The following ZFHX4 variants were observed in gnomAD, a reference collection of about 807,000 sequenced individuals.
ZFHX4 encodes the protein zinc finger homeobox protein 4.
Under a neutral mutation model 267.6 loss-of-function variants are expected in ZFHX4, and 56 were observed. The ratio of observed to expected loss-of-function variants is 0.21; its 90% CI spans 0.17 to 0.26. The LOEUF (loss-of-function observed/expected upper bound fraction) is 0.26. Ranked by LOEUF, ZFHX4 falls within the 10% of genes least tolerant of loss-of-function variation. ZFHX4 has a pLI of 1.00. For missense variants in ZFHX4, 4,332 were observed against 4,420.0 expected (o/e 0.98, Z 0.56); for synonymous variants, 1,778 against 1,665.6 (o/e 1.07, Z -1.64).
chr8:76,803,925 C>T (rs1369990209), intron 4 of ZFHX4, among the ~76,000 whole-genome samples: 1 of 151,730 alleles, frequency 6.6e-6, no homozygotes, highest in Non-Finnish European at 1.5e-5. Flanking sequence ...AGTGATTTGC[C>T]CTAGATTTTG....
chr8:76,793,569 T>A (rs1810895071), intron 4 of ZFHX4, among the ~76,000 whole-genome samples: 1 of 152,134 alleles, frequency 6.6e-6, no homozygotes, highest in Non-Finnish European at 1.5e-5. Flanking sequence ...GCAGATGAAT[T>A]TGGGGATGTA....
chr8:76,720,703 C>T (rs1808697134), intron 3 of ZFHX4, among the ~76,000 whole-genome samples: 1 of 152,256 alleles, frequency 6.6e-6, no homozygotes, highest in Non-Finnish European at 1.5e-5. Flanking sequence ...CTCTGACTGA[C>T]TAGCTCAGTT....
rs370381615 is a variant in ZFHX4, at chr8:76,705,128, A to G, written c.1040A>G (p.His347Arg). ...EPKKSTSVYPHFSTTNLIGPD... is the reference protein window; with the variant it reads ...EPKKSTSVYPRFSTTNLIGPD... ...AAAAAATCCACTTCTGTTTATCCCC[A>G]TTTTTCTACTACAAACCTCATAGGA... The change falls in exon 2 of 11, where the codon CAT (histidine) becomes CGT (arginine). Residue 347 changes from histidine to arginine, a missense_variant. Transcript: ENST00000651372. The G allele has an allele frequency of 6.2e-7, 1 of 1,613,268 alleles. No individual in the cohort carries two copies. Among genetic ancestry groups the G allele is most frequent in the Non-Finnish European group, 8.5e-7 (1 of 1,179,778 alleles).
intron 4 of ZFHX4, among the ~76,000 whole-genome samples, chr8:76,784,061 G>A: frequency 6.6e-6 from 1 of 151,832 alleles, no homozygotes; most frequent in Admixed American, 6.6e-5. Flanking sequence ...GTTATTGTCT[G>A]TGCAGGAGTA....
At chr8:76,707,463 G>T (rs1808305965) in intron 2 of ZFHX4, 83 bp from the exon 3 acceptor site, 2 of 1,286,114 alleles carry the variant, frequency 1.6e-6, no homozygotes, top group Non-Finnish European at 2.1e-6. Flanking sequence ...CACATTCCTT[G>T]TCAAGACTTT....
chr8:76,734,633 G>A (rs1465233058), intron 3 of ZFHX4, among the ~76,000 whole-genome samples: 2 of 152,106 alleles, frequency 1.3e-5, no homozygotes, highest in Non-Finnish European at 2.9e-5. Context: ...ATCATTTGCA[G>A]TGTACTCTCC....
intron 3 of ZFHX4, among the ~76,000 whole-genome samples, chr8:76,726,571 G>A (rs532041545): frequency 6.6e-6 from 1 of 152,160 alleles, no homozygotes; most frequent in East Asian, 1.9e-4. Context: ...ATTTGCCTGA[G>A]CATTTAAATG....
rs192260153 is a variant in ZFHX4 at position 76,798,668 on chromosome 8, A to G, written c.3325+20229A>G. ...AACTCACAAGGGTTATTTAGTAATC[A>G]GTGTGAATTACTTCTAGGTATAAAC... On this transcript the variant is annotated intron_variant, in intron 4 of 10. Transcript: ENST00000651372. Among the ~76,000 whole-genome samples the G allele has an allele frequency of 5.8e-4, 88 of 152,356 alleles. 1 individual carries two copies. The highest frequency in any genetic ancestry group is 8.5e-4 in the Non-Finnish European group (58 of 68,034).
chr8:76,700,256 A>G (rs543231548), intron 1 of ZFHX4, among the ~76,000 whole-genome samples: 31 of 152,298 alleles, frequency 2.0e-4, no homozygotes, highest in African/African-American at 6.7e-4. Context: ...GAGAATAAAA[A>G]CAATAGGCTA....
At chr8:76,735,248 T>C (rs532003716) in intron 3 of ZFHX4, among the ~76,000 whole-genome samples, 108 of 152,182 alleles carry the variant, frequency 7.1e-4, no homozygotes, top group Non-Finnish European at 1.1e-3. Flanking sequence ...ATTTTGTAGG[T>C]TTTTGAGCCA....
At chr8:76,821,469 C>T (rs937278836) in intron 4 of ZFHX4, among the ~76,000 whole-genome samples, 5 of 152,050 alleles carry the variant, frequency 3.3e-5, no homozygotes, top group Non-Finnish European at 5.9e-5. Flanking sequence ...AATTCCTAGT[C>T]GGCCTAACTA....
chr8:76,810,467 T>C (rs1269225484), intron 4 of ZFHX4, among the ~76,000 whole-genome samples: 2 of 152,146 alleles, frequency 1.3e-5, no homozygotes, highest in Non-Finnish European at 2.9e-5. Flanking sequence ...CTGCTGGTAA[T>C]AGAACAAAAT....
intron 6 of ZFHX4, among the ~76,000 whole-genome samples, chr8:76,846,311 A>G (rs1331769931): frequency 6.6e-6 from 1 of 152,080 alleles, no homozygotes; most frequent in Non-Finnish European, 1.5e-5. Context: ...TCTTACTATC[A>G]GTGCCATGCA....
intron 3 of ZFHX4, among the ~76,000 whole-genome samples, chr8:76,730,066 A>G (rs1440800971): frequency 6.6e-6 from 1 of 152,146 alleles, no homozygotes; most frequent in Non-Finnish European, 1.5e-5. Flanking sequence ...TGTTAATATA[A>G]AGTAATTTAC....
intron 1 of ZFHX4, among the ~76,000 whole-genome samples, chr8:76,700,983 T>C (rs1808087309): frequency 6.6e-6 from 1 of 152,132 alleles, no homozygotes; most frequent in African/African-American, 2.4e-5. Context: ...GTTTTTGTGG[T>C]CTTTTTTACT....
chr8:76,805,489 T>A (rs1811222017), intron 4 of ZFHX4, among the ~76,000 whole-genome samples: 1 of 152,238 alleles, frequency 6.6e-6, no homozygotes, highest in Non-Finnish European at 1.5e-5. Flanking sequence ...CTGAAACTAA[T>A]GATTTTCATA....
chr8:76,784,669 T>C (rs1810641930), intron 4 of ZFHX4, among the ~76,000 whole-genome samples: 1 of 152,076 alleles, frequency 6.6e-6, no homozygotes, highest in Non-Finnish European at 1.5e-5. Context: ...CTATGACATA[T>C]TTAAACATCC....
intron 10 of ZFHX4, among the ~76,000 whole-genome samples, chr8:76,861,654 C>T (rs1586023595): frequency 6.6e-6 from 1 of 151,424 alleles, no homozygotes; most frequent in Non-Finnish European, 1.5e-5. Flanking sequence ...GCTAAGCTTT[C>T]TCGGTTGGGT....
At chr8:76,752,314 T>C (rs1809634462) in intron 3 of ZFHX4, among the ~76,000 whole-genome samples, 1 of 150,812 alleles carries the variant, frequency 6.6e-6, no homozygotes, top group Non-Finnish European at 1.5e-5. Context: ...TAAAAAAAAT[T>C]AACAGTGACT....
Sources: gnomAD v4.1 joint callset for allele counts (sites outside exome capture counted in the v4.1 genomes callset) on GRCh38, gnomAD v4.1.1 for gene constraint, MANE v1.5 for transcripts, NCBI Gene and HGNC (gene_info 2026-07-23, HGNC 2026-07-21) for gene names.